The following UPF2 variants were observed in gnomAD, a reference collection of about 807,000 sequenced individuals.
UPF2 encodes UPF2 regulator of nonsense mediated mRNA decay, also known as regulator of nonsense transcripts 2.
A neutral mutation model predicts 141.4 loss-of-function variants in UPF2; 17 were observed. That is an observed-to-expected ratio of 0.12 (90% CI 0.08 to 0.18). The LOEUF (loss-of-function observed/expected upper bound fraction) is 0.18, where lower values mean the gene tolerates loss of function less well. Among genes scored for constraint, UPF2 ranks in the 10% least tolerant of loss-of-function variants. The pLI is 1.00. For synonymous variants in UPF2, 540 were observed against 498.0 expected (o/e 1.08, Z -1.12); for missense variants, 1,152 against 1,515.9 (o/e 0.76, Z 3.99).
At chr10:11,993,834 T>G (rs947313884) in intron 8 of UPF2, among the ~76,000 whole-genome samples, 4 of 151,488 alleles carry the variant, frequency 2.6e-5, no homozygotes, top group African/African-American at 9.7e-5. Flanking sequence ...TTAATTAATG[T>G]AAAAATTAGC....
rs1000769727 is a variant in UPF2, at chr10:12,014,794, G to C, written c.1146-610C>G. On this transcript the variant is annotated intron_variant, in intron 3 of 21. Coordinates refer to ENST00000357604, the MANE Select transcript of UPF2 (RefSeq NM_015542.4). This position sits in a 1 kb window ranked among gnomAD's most constrained non-coding sequence, Gnocchi z 5.0. ...TATCCTTAAACTTCCATAATGATTT[G>C]AATCAAGATTATCTTTTGAAAAAGC... Among the ~76,000 whole-genome samples, 1 of 152,090 alleles carries C rather than the reference G, an allele frequency of 6.6e-6. No individual in the cohort carries two copies. Among genetic ancestry groups the C allele is most frequent in the African/African-American group, 2.4e-5 (1 of 41,404 alleles).
chr10:12,038,378 T>TCACTCACACACTCA (rs71380802), intron 1 of UPF2, among the ~76,000 whole-genome samples: 12 of 135,934 alleles, frequency 8.8e-5, no homozygotes, highest in Non-Finnish European at 1.7e-4. Context: ...AGACTCCATC[T>TCACTCACACACTCA]CACACACACA....
chr10:11,991,189 T>C (rs1372842914), intron 8 of UPF2, among the ~76,000 whole-genome samples: 4 of 152,242 alleles, frequency 2.6e-5, no homozygotes, highest in East Asian at 3.9e-4. Context: ...CCATGAAATA[T>C]ATGAAAATTC....
rs1832903987 is a variant in UPF2, at chr10:11,939,087, G to A, written c.3379-2375C>T. Among the ~76,000 whole-genome samples, 1 of 151,800 alleles carries A rather than the reference G, an allele frequency of 6.6e-6. No individual in the cohort carries two copies. Among genetic ancestry groups the A allele is most frequent in the Non-Finnish European group, 1.5e-5 (1 of 67,952 alleles). ...GGGTTTCACCGTGTTAGCTAGGAGGGTCTCGATCTCCTGACCTCGTGATCC... is the reference window on the plus strand; with the variant it reads ...GGGTTTCACCGTGTTAGCTAGGAGGATCTCGATCTCCTGACCTCGTGATCC... On this transcript the variant is annotated intron_variant, in intron 18 of 21. Transcript: ENST00000357604. The surrounding 1 kb of genome is among the most constrained non-coding windows in gnomAD (Gnocchi z 4.8).
intron 5 of UPF2, among the ~76,000 whole-genome samples, chr10:12,002,981 A>C (rs1833976996): frequency 6.6e-6 from 1 of 152,200 alleles, no homozygotes; most frequent in South Asian, 2.1e-4. Context: ...TTGAACACAG[A>C]AATGTCTTAC....
Position 11,940,507 on chromosome 10 carries a change from C to A in UPF2, c.3378+2158G>T, listed in dbSNP as rs747602097. 6.6e-6 allele frequency among the ~76,000 whole-genome samples: 1 copy of A among 152,114 alleles called. No individual in the cohort carries two copies. Among genetic ancestry groups the A allele is most frequent in the Non-Finnish European group, 1.5e-5 (1 of 68,010 alleles). The stretch of plus-strand genomic sequence containing the variant: ...CCACTTGGACACCTCAAAGGCTTCT[C>A]AAGTGGACACGGCCAAAGGGAAACT... On this transcript the variant is annotated intron_variant, in intron 18 of 21. Transcript: ENST00000357604. This position sits in a 1 kb window ranked among gnomAD's most constrained non-coding sequence, Gnocchi z 4.2.
chr10:11,940,479 T>C lies in UPF2; in HGVS notation c.3378+2186A>G, dbSNP rs1433869802. Among the ~76,000 whole-genome samples, 3 of 152,298 alleles carry C rather than the reference T, an allele frequency of 2.0e-5. No individual in the cohort carries two copies. The highest frequency in any genetic ancestry group is 6.5e-5 in the Admixed American group (1 of 15,302). On this transcript the variant is annotated intron_variant, in intron 18 of 21. Transcript: ENST00000357604. This position sits in a 1 kb window ranked among gnomAD's most constrained non-coding sequence, Gnocchi z 4.2. Reference sequence around the variant, plus strand: ...CACGTAACCTTCTGATCTCCATACATTTCCACTTGGACACCTCAAAGGCTT... The same window carrying C: ...CACGTAACCTTCTGATCTCCATACACTTCCACTTGGACACCTCAAAGGCTT...
At chr10:11,925,123 AT>A (rs1057374158) in intron 21 of UPF2, among the ~76,000 whole-genome samples, 2 of 152,146 alleles carry the variant, frequency 1.3e-5, no homozygotes, top group African/African-American at 2.4e-5. Flanking sequence ...CAGCCTTAAA[AT>A]GTAAATTTTA....
At chr10:11,942,839 T>C (rs908498373) in intron 17 of UPF2, 76 bp from the exon 18 acceptor site, 3 of 1,324,612 alleles carry the variant, frequency 2.3e-6, no homozygotes, top group Non-Finnish European at 3.2e-6. Flanking sequence ...CTTTTAGTAT[T>C]GACAACTTGT....
chr10:12,018,791 T>A (rs540656697), intron 3 of UPF2, among the ~76,000 whole-genome samples: 24 of 152,212 alleles, frequency 1.6e-4, no homozygotes, highest in Non-Finnish European at 3.1e-4. Context: ...AAGGATCCTT[T>A]AGAAATTCTA....
At chr10:12,004,916 C>G (rs1834010897) in intron 4 of UPF2, among the ~76,000 whole-genome samples, 189 bp from the exon 5 acceptor site, 1 of 152,002 alleles carries the variant, frequency 6.6e-6, no homozygotes, top group Non-Finnish European at 1.5e-5. Context: ...TAAATAAAGC[C>G]CTAAAATAAA....
chr10:11,960,982 T>C (rs73571377), intron 11 of UPF2, among the ~76,000 whole-genome samples: 9,658 of 148,998 alleles, frequency 0.065, 383 homozygotes, highest in Non-Finnish European at 0.092. Flanking sequence ...CCCGGCTATT[T>C]GGGAGGCTGA....
chr10:11,960,697 G>A (rs1002223798), intron 11 of UPF2, among the ~76,000 whole-genome samples: 1 of 151,572 alleles, frequency 6.6e-6, no homozygotes, highest in African/African-American at 2.4e-5. Flanking sequence ...CTGAACCCAG[G>A]AGTTCAAGGC....
Position 11,956,311 on chromosome 10 carries a change from CTT to C in UPF2, c.2574+7_2574+8del, listed in dbSNP as rs1833149231. 1.9e-6 allele frequency: 3 copies of C among 1,613,372 alleles called. No individual in the cohort carries two copies. In the African/African-American group the frequency reaches 4.0e-5, roughly 22 times the overall value. Reference sequence around the variant, plus strand: ...CCAGTTGTGTGACATTAAAGGAAGTCTTGTTTACCTCCATTCCTAATCGAATA... The same window carrying C: ...CCAGTTGTGTGACATTAAAGGAAGTCGTTTACCTCCATTCCTAATCGAATA... On this transcript the variant is annotated splice_region_variant and intron_variant, in intron 13 of 21. Transcript: ENST00000357604. This position sits in a 1 kb window ranked among gnomAD's most constrained non-coding sequence, Gnocchi z 4.2.
chr10:11,928,729 A>G (rs759418554), intron 21 of UPF2: 5 of 358,758 alleles, frequency 1.4e-5, no homozygotes, highest in African/African-American at 2.2e-5. Flanking sequence ...AAAACTAAAA[A>G]CCATAAAAGA....
chr10:11,982,988 A>G (rs1377349962), intron 8 of UPF2, among the ~76,000 whole-genome samples: 1 of 152,092 alleles, frequency 6.6e-6, no homozygotes, highest in Non-Finnish European at 1.5e-5. Flanking sequence ...GTTATGGTTA[A>G]CTCATTTGTT....
At chr10:11,966,454 C>T (rs1588541210) in intron 10 of UPF2, among the ~76,000 whole-genome samples, 2 of 151,992 alleles carry the variant, frequency 1.3e-5, no homozygotes, top group Admixed American at 6.6e-5. Flanking sequence ...GACGGACTTT[C>T]ACTCTTGTTA....
intron 8 of UPF2, among the ~76,000 whole-genome samples, chr10:11,991,346 A>G (rs1057112518): frequency 6.6e-6 from 1 of 152,212 alleles, no homozygotes; most frequent in Non-Finnish European, 1.5e-5. Flanking sequence ...TAAAATCGCC[A>G]GAAAACAACC....
At chr10:11,927,471 G>A (rs1832727339) in intron 21 of UPF2, among the ~76,000 whole-genome samples, 1 of 152,174 alleles carries the variant, frequency 6.6e-6, no homozygotes, top group African/African-American at 2.4e-5. Flanking sequence ...CTGATGATGA[G>A]ACAGGAGGGA....
Sources: allele counts gnomAD v4.1 joint callset (sites outside exome capture counted in the v4.1 genomes callset), GRCh38; gene constraint gnomAD v4.1.1; non-coding constraint Gnocchi (gnomAD v3.1); transcripts MANE v1.5; gene names NCBI Gene and HGNC (gene_info 2026-07-23, HGNC 2026-07-21).